Variants in DIP2B observed in about 807,000 individuals in gnomAD.
The protein encoded by DIP2B is disco-interacting protein 2 homolog B.
DIP2B carries 76 observed loss-of-function variants against 198.0 expected under a neutral mutation model. The observed-to-expected ratio is 0.38, with a 90% CI of 0.32 to 0.46. The LOEUF (loss-of-function observed/expected upper bound fraction) is 0.46, where lower values mean the gene tolerates loss of function less well. DIP2B is among the 20% of genes least tolerant of loss of function. DIP2B has a pLI of 0.99. For missense variants in DIP2B, 1,559 were observed against 1,978.4 expected (o/e 0.79, Z 4.02); for synonymous variants, 701 against 739.1 (o/e 0.95, Z 0.84).
In DIP2B at chr12:50,660,074, T is replaced by A. The variant is rs1484824824; in HGVS notation, c.302-120T>A. ...AATCAAATTATAAATAAAAATCATCTGAACGTCCCCTTTACCTTTTTTTTT... is the reference window on the plus strand; with the variant it reads ...AATCAAATTATAAATAAAAATCATCAGAACGTCCCCTTTACCTTTTTTTTT... On this transcript the variant is annotated intron_variant, in intron 3 of 37. Transcript: ENST00000301180. 4.8e-6 allele frequency: 5 copies of A among 1,050,148 alleles called. No homozygotes were observed. The East Asian group carries it at 1.4e-4, about 30-fold the overall frequency. The allele number at this position is 1,050,148 out of a possible 1,614,324, so 65.1% of individuals were successfully genotyped here. A position where few individuals can be genotyped will look rare whatever the true frequency, so the allele number is the denominator to read the frequency against.
rs181609148 is a variant in DIP2B at position 50,621,306 on chromosome 12, C to G, written c.101-4670C>G. On this transcript the variant is annotated intron_variant, in intron 1 of 37. Transcript: ENST00000301180. ...GCCTTGTGATTTATATATTATTCCT[C>G]TCTTCAGGCAGTCCAAGCATTGCTT... 1.6e-3 allele frequency among the ~76,000 whole-genome samples: 241 copies of G among 152,318 alleles called. 2 individuals are homozygous for G. The highest frequency in any genetic ancestry group is 5.5e-3 in the African/African-American group (230 of 41,560).
At chr12:50,607,559 C>T (rs1480777072) in intron 1 of DIP2B, among the ~76,000 whole-genome samples, 4 of 152,188 alleles carry the variant, frequency 2.6e-5, no homozygotes, top group Non-Finnish European at 5.9e-5. Context: ...AAGGCCAGTG[C>T]TCTATCAGCT....
chr12:50,729,039 C>T (rs1362083454), intron 30 of DIP2B, among the ~76,000 whole-genome samples: 2 of 152,126 alleles, frequency 1.3e-5, no homozygotes, highest in Non-Finnish European at 2.9e-5. Flanking sequence ...CAGGAAGGAG[C>T]ACAATGGGAT....
rs774463920 is a variant in DIP2B at position 50,721,255 on chromosome 12, CCTTT to C, written c.3043-15_3043-12del. 2.8e-5 allele frequency: 45 copies of C among 1,611,940 alleles called. No homozygotes were observed. Among genetic ancestry groups the C allele is most frequent in the Non-Finnish European group, 3.6e-5 (42 of 1,179,058 alleles). On this transcript the variant is annotated splice_polypyrimidine_tract_variant and intron_variant, in intron 25 of 37. Transcript: ENST00000301180. ...CCTTTCTGAGCTTTGACCCGCTTAT[CCTTT>C]CTGTTGTTTAAAGGGAACCACTGTA...
At chr12:50,677,959 A>G (rs1938976536) in intron 7 of DIP2B, among the ~76,000 whole-genome samples, 1 of 151,712 alleles carries the variant, frequency 6.6e-6, no homozygotes, top group Non-Finnish European at 1.5e-5. Context: ...CCTAAGGGCA[A>G]CGTGGGAGCA....
chr12:50,521,829 A>G (rs905253962), intron 1 of DIP2B, among the ~76,000 whole-genome samples: 2 of 151,612 alleles, frequency 1.3e-5, no homozygotes, highest in Admixed American at 6.6e-5. Context: ...TATTTTTTGT[A>G]GAGATAGGGT....
At chr12:50,687,900 A>T (rs1324814453) in intron 12 of DIP2B, among the ~76,000 whole-genome samples, 7 of 122,068 alleles carry the variant, frequency 5.7e-5, no homozygotes, top group South Asian at 3.4e-4. Flanking sequence ...AAGTAAAATT[A>T]AAAAAAAAAA....
chr12:50,509,952 C>T (rs543297855), intron 1 of DIP2B, among the ~76,000 whole-genome samples: 2 of 152,270 alleles, frequency 1.3e-5, no homozygotes, highest in African/African-American at 4.8e-5. Context: ...AAGTAATCTA[C>T]CTCCAGAACT....
Position 50,685,914 on chromosome 12 carries a change from G to A in DIP2B, c.1399G>A (p.Gly467Arg). The A allele has an allele frequency of 1.2e-6, 2 of 1,613,916 alleles. No individual in the cohort carries two copies. The highest frequency in any genetic ancestry group is 1.7e-6 in the Non-Finnish European group (2 of 1,179,864). ...LALTSEVCLK[G>R]LPKTQNGEIV... The stretch of plus-strand genomic sequence containing the variant: ...TCTTACCAGTGAAGTTTGTCTAAAA[G>A]GACTGCCAAAAACCCAGAATGGAGA... The change falls in exon 11 of 38, where the codon GGA becomes AGA. Residue 467 changes from glycine to arginine, a missense_variant. Gly to Arg is a moderately radical substitution (Grantham distance 125). Transcript: ENST00000301180.
intron 22 of DIP2B, among the ~76,000 whole-genome samples, chr12:50,709,066 A>G (rs1295106158): frequency 6.6e-6 from 1 of 152,208 alleles, no homozygotes; most frequent in Non-Finnish European, 1.5e-5. Context: ...TGTGGTGGGG[A>G]GCAGGCTAGA....
intron 1 of DIP2B, among the ~76,000 whole-genome samples, chr12:50,528,207 G>T (rs577235434): frequency 1.3e-5 from 2 of 151,196 alleles, no homozygotes; most frequent in East Asian, 1.9e-4. Flanking sequence ...GATTATAGAC[G>T]TGAGCCACTG....
intron 2 of DIP2B, 98 bp from the exon 3 acceptor site, chr12:50,640,626 G>GTACC: frequency 6.0e-6 from 8 of 1,334,856 alleles, no homozygotes; most frequent in Non-Finnish European, 8.2e-6. Flanking sequence ...TGGGGTAATA[G>GTACC]TACCTAGCTC....
intron 26 of DIP2B, among the ~76,000 whole-genome samples, chr12:50,722,425 T>C (rs1188316386): frequency 6.6e-6 from 1 of 152,062 alleles, no homozygotes; most frequent in African/African-American, 2.4e-5. Context: ...AGCTAATTTT[T>C]GTATTTTTAG....
intron 1 of DIP2B, among the ~76,000 whole-genome samples, chr12:50,623,864 T>C (rs1479719066): frequency 6.6e-6 from 1 of 152,134 alleles, no homozygotes; most frequent in Non-Finnish European, 1.5e-5. Context: ...CTCTATCCCC[T>C]AGATGCCAGT....
At chr12:50,592,066 C>CG (rs1393655543) in intron 1 of DIP2B, among the ~76,000 whole-genome samples, 1 of 151,444 alleles carries the variant, frequency 6.6e-6, no homozygotes, top group Non-Finnish European at 1.5e-5. Flanking sequence ...TTAGTAGAGA[C>CG]GGGGGTCTCA....
chr12:50,646,115 T>C (rs1938345406), intron 3 of DIP2B, among the ~76,000 whole-genome samples: 1 of 152,004 alleles, frequency 6.6e-6, no homozygotes, highest in African/African-American at 2.4e-5. Flanking sequence ...TTATTGTTTA[T>C]TTATTTTATT....
In DIP2B at chr12:50,603,725, A is replaced by C. The variant is rs182244479; in HGVS notation, c.101-22251A>C. 1.5e-4 allele frequency among the ~76,000 whole-genome samples: 22 copies of C among 149,788 alleles called. 1 individual carries two copies. Among genetic ancestry groups the C allele is most frequent in the African/African-American group, 4.9e-4 (20 of 40,852 alleles). ...CAACAGAATGAGACCTTGCCTTTGGAAAAAAAAAAGACTCAAGTCATTTTG... is the reference window on the plus strand; with the variant it reads ...CAACAGAATGAGACCTTGCCTTTGGCAAAAAAAAAGACTCAAGTCATTTTG... On this transcript the variant is annotated intron_variant, in intron 1 of 37. Transcript: ENST00000301180.
intron 1 of DIP2B, among the ~76,000 whole-genome samples, chr12:50,591,698 G>A (rs980106559): frequency 2.6e-5 from 4 of 151,104 alleles, no homozygotes; most frequent in South Asian, 2.1e-4. Flanking sequence ...GGACTAAAGC[G>A]GTCATCCCAC....
At position 50,704,161 on chromosome 12, in the gene DIP2B, G is replaced by A. The variant is rs775261394; in HGVS notation, c.2347G>A (p.Gly783Ser). 17 of 1,609,052 alleles carry A rather than the reference G, an allele frequency of 1.1e-5. No homozygotes were observed. Among genetic ancestry groups the A allele is most frequent in the Non-Finnish European group, 1.3e-5 (15 of 1,179,078 alleles). The change falls in exon 20 of 38, where the codon GGC (glycine) becomes AGC (serine). Residue 783 changes from glycine to serine, a missense_variant. Transcript: ENST00000301180. ...TFEVIPVNSA[G>S]SPVGDVPFIR... ...TTAGGTAATTCCAGTGAATTCTGCA[G>A]GCTCTCCTGTTGGGGATGTGCCATT...
Sources: allele counts gnomAD v4.1 joint callset (sites outside exome capture counted in the v4.1 genomes callset), GRCh38; gene constraint gnomAD v4.1.1; transcripts MANE v1.5; gene names NCBI Gene and HGNC (gene_info 2026-07-23, HGNC 2026-07-21).